SLC12A9: variants seen among roughly 807,000 people sequenced by gnomAD.
SLC12A9 encodes solute carrier family 12 member 9.
In SLC12A9, 55 loss-of-function variants were observed where a neutral mutation model predicts 66.0. The ratio of observed to expected loss-of-function variants is 0.83; its 90% CI spans 0.67 to 1.04. The LOEUF is 1.04. SLC12A9 is among the 50% of genes least tolerant of loss of function. The pLI is 0.00. For synonymous variants in SLC12A9, 577 were observed against 569.0 expected, an observed-to-expected ratio of 1.01 and a Z score of -0.20; for missense variants, 1,061 against 1,241.9, an observed-to-expected ratio of 0.85 and a Z score of 2.19.
chr7:100,861,775 T>C lies in SLC12A9; in HGVS notation c.1575T>C (p.Asp525=). 1 of 1,614,014 alleles carries C rather than the reference T, an allele frequency of 6.2e-7. No homozygotes were observed. Among genetic ancestry groups the C allele is most frequent in the Non-Finnish European group, 8.5e-7 (1 of 1,179,996 alleles). The change falls in exon 12 of 14, where the codon GAT becomes GAC. Residue 525 remains aspartate (D), a synonymous_variant. Transcript: ENST00000354161. This position sits in a 1 kb window ranked among gnomAD's most constrained non-coding sequence, Gnocchi z 5.3. The part of the protein sequence containing the change: ...KYLLRLDVRK[D]HVKFWRPQLL... ...TGCTTCGGCTGGACGTCCGGAAGGA[T>C]CACGTGAAGTTCTGGCGGCCCCAGC...
chr7:100,848,877 C>T (rs927591762), upstream of SLC12A9, among the ~76,000 whole-genome samples: 1 of 148,978 alleles, frequency 6.7e-6, no homozygotes, highest in Admixed American at 6.7e-5. Context: ...CAGAGCTAGA[C>T]TCCATCTCAA....
upstream of SLC12A9, among the ~76,000 whole-genome samples, chr7:100,848,952 C>G (rs888146478): frequency 6.7e-6 from 1 of 150,054 alleles, no homozygotes; most frequent in African/African-American, 2.4e-5. Context: ...GGATAGACAA[C>G]TAATATAAGG....
At chr7:100,858,724 C>A in intron 5 of SLC12A9, 111 bp from the exon 6 acceptor site, 1 of 952,066 alleles carries the variant, frequency 1.1e-6, no homozygotes. Flanking sequence ...TTAGTGAGGG[C>A]AGTGCAGGGG....
intron 1 of SLC12A9, among the ~76,000 whole-genome samples, chr7:100,836,645 C>T (rs932094949): frequency 2.0e-5 from 3 of 152,160 alleles, no homozygotes; most frequent in Non-Finnish European, 4.4e-5. Context: ...AATTTCATCC[C>T]TCCCCTCGGC....
intron 9 of SLC12A9, 173 bp downstream of exon 9, chr7:100,860,405 A>C: frequency 1.5e-6 from 1 of 671,226 alleles, no homozygotes; most frequent in East Asian, 2.8e-5. Context: ...AGCACCTTGC[A>C]GGTTGCCCCA....
intron 1 of SLC12A9, among the ~76,000 whole-genome samples, chr7:100,837,012 G>T (rs1813674427): frequency 1.3e-5 from 2 of 152,170 alleles, no homozygotes; most frequent in African/African-American, 4.8e-5. Context: ...TTGAGGGCTG[G>T]GGGAACACTC....
intron 1 of SLC12A9, chr7:100,827,458 G>A (rs2116476306): frequency 6.6e-6 from 1 of 151,320 alleles, no homozygotes; most frequent in Admixed American, 6.6e-5. Flanking sequence ...CGGAGCGGGA[G>A]GGAGGGAGAC....
At chr7:100,838,884 T>C (rs1258328726) in intron 1 of SLC12A9, among the ~76,000 whole-genome samples, 1 of 152,104 alleles carries the variant, frequency 6.6e-6, no homozygotes, top group Non-Finnish European at 1.5e-5. Flanking sequence ...TTACAGACAT[T>C]GTATAGAAAG....
chr7:100,865,362 T>A, intron 13 of SLC12A9: 6 of 1,535,756 alleles, frequency 3.9e-6, no homozygotes, highest in Non-Finnish European at 5.2e-6. Flanking sequence ...CACAACAGAG[T>A]CAAACTCGCA....
chr7:100,837,200 C>G (rs144084648), intron 1 of SLC12A9: 17 of 152,310 alleles, frequency 1.1e-4, no homozygotes, highest in African/African-American at 4.1e-4. Context: ...GCCTTGGCCC[C>G]GCAAAGCGCT....
In SLC12A9 at chr7:100,861,069, G is replaced by A; in HGVS notation, c.1219-69G>A. 6.2e-7 allele frequency: 1 copy of A among 1,612,360 alleles called. No individual in the cohort carries two copies. The highest frequency in any genetic ancestry group is 8.5e-7 in the Non-Finnish European group (1 of 1,179,562). On this transcript the variant is annotated intron_variant, in intron 9 of 13. Transcript: ENST00000354161. The surrounding 1 kb of genome is among the most constrained non-coding windows in gnomAD (Gnocchi z 5.3). ...CTTTGGGGTACACTGGCATTCTTTG[G>A]TGTTCACTGGCATTTTGGGGGTGCA...
chr7:100,847,395 C>T (rs2116547916), intron 1 of SLC12A9, among the ~76,000 whole-genome samples: 1 of 152,278 alleles, frequency 6.6e-6, no homozygotes, highest in Middle Eastern at 3.4e-3. Flanking sequence ...TGGCCTTTGG[C>T]TTTTGCTTTG....
intron 1 of SLC12A9, among the ~76,000 whole-genome samples, chr7:100,839,029 A>G (rs1302290837): frequency 2.0e-5 from 3 of 152,060 alleles, no homozygotes; most frequent in African/African-American, 7.2e-5. Flanking sequence ...AGCCCTTAAA[A>G]AAAGACAGGA....
At chr7:100,836,992 A>G (rs1035174412) in intron 1 of SLC12A9, among the ~76,000 whole-genome samples, 2 of 152,100 alleles carry the variant, frequency 1.3e-5, no homozygotes, top group African/African-American at 4.8e-5. Context: ...AGGATCTGGG[A>G]TCCCTAGAAT....
upstream of SLC12A9, among the ~76,000 whole-genome samples, chr7:100,849,308 G>A (rs144528184): frequency 8.7e-3 from 1,321 of 152,150 alleles, 17 homozygotes; most frequent in African/African-American, 0.03. Flanking sequence ...GCAGTGGTGC[G>A]ATCACAGCTC....
chr7:100,855,648 C>T (rs1814341792), intron 3 of SLC12A9, 58 bp from the exon 4 acceptor site: 1 of 1,610,324 alleles, frequency 6.2e-7, no homozygotes, highest in Non-Finnish European at 8.5e-7. Flanking sequence ...GCTATGGCAA[C>T]TTCCTCACGT....
intron 1 of SLC12A9, chr7:100,827,666 G>A (rs1171403848): frequency 1.3e-5 from 2 of 152,278 alleles, no homozygotes; most frequent in Non-Finnish European, 2.9e-5. Context: ...AGCGGAGAGG[G>A]GCACCGAGTG....
chr7:100,864,659 G>A (rs757527763), intron 13 of SLC12A9, among the ~76,000 whole-genome samples: 7 of 152,188 alleles, frequency 4.6e-5, no homozygotes, highest in African/African-American at 1.7e-4. Flanking sequence ...GGCCTCTCAC[G>A]CTGGATGGAG....
intron 1 of SLC12A9, chr7:100,827,087 A>C (rs1813427208): frequency 6.5e-7 from 1 of 1,537,680 alleles, no homozygotes; most frequent in African/African-American, 1.4e-5. Flanking sequence ...TCGCCCCCCC[A>C]GGTCTGACTC....
Sources: gnomAD v4.1 joint callset for allele counts (sites outside exome capture counted in the v4.1 genomes callset) on GRCh38, gnomAD v4.1.1 for gene constraint, Gnocchi (gnomAD v3.1) non-coding constraint, MANE v1.5 for transcripts, NCBI Gene and HGNC (gene_info 2026-07-23, HGNC 2026-07-21) for gene names.